The following ASZ1 variants were observed in gnomAD, a reference collection of about 807,000 sequenced individuals.
ASZ1 encodes ankyrin repeat, SAM and basic leucine zipper domain-containing protein 1.
In ASZ1, 67 loss-of-function variants were observed where a neutral mutation model predicts 61.8. That is an observed-to-expected ratio of 1.08 (90% CI 0.89 to 1.33). The LOEUF is 1.33. Among genes scored for constraint, ASZ1 ranks in the 40% most tolerant of loss-of-function variants. ASZ1 has a pLI of 0.00. For missense variants in ASZ1, 577 were observed against 554.5 expected, an observed-to-expected ratio of 1.04 and a Z score of -0.41; for synonymous variants, 193 against 192.7, an observed-to-expected ratio of 1.00 and a Z score of -0.01.
intron 4 of ASZ1, among the ~76,000 whole-genome samples, chr7:117,391,883 C>T (rs977065025): frequency 6.6e-6 from 1 of 151,958 alleles, no homozygotes; most frequent in Admixed American, 6.6e-5. Context: ...ATGTCTGCCT[C>T]TGGGTTGAAG....
chr7:117,402,631 T>C (rs1796701130), intron 4 of ASZ1, among the ~76,000 whole-genome samples: 1 of 152,200 alleles, frequency 6.6e-6, no homozygotes, highest in Non-Finnish European at 1.5e-5. Context: ...CCAGTTCCAG[T>C]GAGCCCCCAT....
chr7:117,394,618 A>C (rs1197440114), intron 4 of ASZ1, among the ~76,000 whole-genome samples: 1 of 152,144 alleles, frequency 6.6e-6, no homozygotes, highest in Non-Finnish European at 1.5e-5. Flanking sequence ...TATTGCTTCA[A>C]ACATAGTCTA....
intron 10 of ASZ1, among the ~76,000 whole-genome samples, chr7:117,374,515 C>G (rs753781115): frequency 6.6e-6 from 1 of 151,922 alleles, no homozygotes; most frequent in Non-Finnish European, 1.5e-5. Flanking sequence ...ATGTAAAAAC[C>G]AAGTCTCTAC....
chr7:117,423,286 A>C (rs1003431249), intron 2 of ASZ1, among the ~76,000 whole-genome samples: 1 of 152,038 alleles, frequency 6.6e-6, no homozygotes, highest in Non-Finnish European at 1.5e-5. Context: ...ACACCGGGTC[A>C]CTGAAAGACT....
chr7:117,364,989 G>C (rs1795907093), intron 12 of ASZ1, among the ~76,000 whole-genome samples: 1 of 151,940 alleles, frequency 6.6e-6, no homozygotes, highest in Non-Finnish European at 1.5e-5. Flanking sequence ...ACACTTATCT[G>C]TGATAACTTA....
intron 11 of ASZ1, chr7:117,368,287 A>G: frequency 1.0e-6 from 1 of 986,538 alleles, no homozygotes; most frequent in Non-Finnish European, 1.2e-6. Context: ...GTTTTTAAAT[A>G]ACACACTGTT....
chr7:117,381,809 AAACT>A (rs1796259429), intron 8 of ASZ1, among the ~76,000 whole-genome samples: 1 of 152,192 alleles, frequency 6.6e-6, no homozygotes, highest in African/African-American at 2.4e-5. Flanking sequence ...CTACAGAAAC[AAACT>A]AAGGGCTCAG....
chr7:117,388,126 TA>T (rs2116479171), intron 4 of ASZ1, among the ~76,000 whole-genome samples: 1 of 152,268 alleles, frequency 6.6e-6, no homozygotes, highest in South Asian at 2.1e-4. Context: ...TGAATAGCCC[TA>T]GACTTATTTT....
At chr7:117,400,409 C>A (rs1237426086) in intron 4 of ASZ1, among the ~76,000 whole-genome samples, 2 of 152,164 alleles carry the variant, frequency 1.3e-5, no homozygotes, top group African/African-American at 4.8e-5. Context: ...GAGAGAAAAG[C>A]AGCATTTGGT....
chr7:117,378,613 T>C (rs1416524646), intron 10 of ASZ1, among the ~76,000 whole-genome samples: 5 of 151,970 alleles, frequency 3.3e-5, no homozygotes, highest in South Asian at 4.1e-4. Context: ...TGGAAAACAG[T>C]TGGGCAGTTT....
In ASZ1 at chr7:117,416,186, A is replaced by AAAAT. The variant is rs958258272; in HGVS notation, c.440+3973_440+3976dup. 2.8e-4 allele frequency among the ~76,000 whole-genome samples: 42 copies of AAAAT among 152,188 alleles called. No individual in the cohort carries two copies. In the South Asian group the frequency reaches 6.4e-3, roughly 23 times the overall value. ...GAGTGACAGAGCGAGACTCCATCTC[A>AAAAT]AAATAAATAAATAAATAAATAATAA... On this transcript the variant is annotated intron_variant, in intron 4 of 12. Coordinates refer to ENST00000284629, the MANE Select transcript of ASZ1 (RefSeq NM_130768.3).
intron 4 of ASZ1, among the ~76,000 whole-genome samples, chr7:117,388,174 T>A (rs1306412227): frequency 6.6e-6 from 1 of 152,140 alleles, no homozygotes; most frequent in Non-Finnish European, 1.5e-5. Context: ...TTAAATTAAA[T>A]TTTCCACAAA....
At chr7:117,387,136 C>T (rs1047360432) in intron 4 of ASZ1, among the ~76,000 whole-genome samples, 1 of 139,988 alleles carries the variant, frequency 7.1e-6, no homozygotes, top group Admixed American at 7.1e-5. Context: ...CCTGCCTCTA[C>T]CTCTACTTAA....
intron 10 of ASZ1, among the ~76,000 whole-genome samples, chr7:117,375,051 T>A (rs575086276): frequency 2.2e-4 from 33 of 152,088 alleles, no homozygotes; most frequent in African/African-American, 7.9e-4. Flanking sequence ...AAAACCATTG[T>A]AAAAGAAAAA....
At position 117,427,381 on chromosome 7, in the gene ASZ1, A is replaced by G. The variant is rs138445182; in HGVS notation, c.80T>C (p.Ile27Thr). ...SSESEDDGWE[I>T]GYLDRTSQKL... ...CTGAGACGTCCGGTCGAGATACCCA[A>G]TCTCCCAGCCATCATCCTCGCTCTC... Residue 27 changes from isoleucine (I) to threonine (T), a missense_variant, in exon 1 of 13, where the codon ATT (isoleucine) becomes ACT (threonine). By Grantham distance (89) the Ile-to-Thr change is moderately conservative. Transcript: ENST00000284629. 359 of 1,614,026 alleles carry G rather than the reference A, an allele frequency of 2.2e-4. No homozygotes were observed. Among genetic ancestry groups the G allele is most frequent in the Non-Finnish European group, 2.8e-4 (327 of 1,180,012 alleles).
At chr7:117,396,220 C>T (rs1351821782) in intron 4 of ASZ1, among the ~76,000 whole-genome samples, 1 of 152,188 alleles carries the variant, frequency 6.6e-6, no homozygotes, top group Non-Finnish European at 1.5e-5. Flanking sequence ...CAGTACCATG[C>T]ACAAAGTAAA....
In ASZ1 at chr7:117,382,062, A is replaced by C; in HGVS notation, c.888+7T>G. The C allele has an allele frequency of 6.5e-7, 1 of 1,534,896 alleles. No individual in the cohort carries two copies. Among genetic ancestry groups the C allele is most frequent in the Non-Finnish European group, 9.0e-7 (1 of 1,109,486 alleles). On this transcript the variant is annotated splice_region_variant and intron_variant, in intron 8 of 12. Transcript: ENST00000284629. ...CATAACTCACTGTAGGTTATATAAG[A>C]TCTTACCTTTAGTAAATCTGTCATA...
chr7:117,363,450 T>A lies in ASZ1; in HGVS notation c.*146A>T, dbSNP rs1289737937. The A allele has an allele frequency of 6.9e-6, 4 of 582,186 alleles. No individual in the cohort carries two copies. Among genetic ancestry groups the A allele is most frequent in the East Asian group, 3.6e-5 (1 of 27,808 alleles). 36.1% of individuals were successfully genotyped at this position (582,186 alleles called of 1,614,324 possible). ...TAAGTCAAAGTAACAAACCACTTTTTAAAAAAAAACTCCACATTGTCAAAA... is the reference window on the plus strand; with the variant it reads ...TAAGTCAAAGTAACAAACCACTTTTAAAAAAAAAACTCCACATTGTCAAAA... On this transcript the variant is annotated 3_prime_UTR_variant, in exon 13 of 13. Coordinates refer to ENST00000284629, the MANE Select transcript of ASZ1 (RefSeq NM_130768.3).
intron 4 of ASZ1, among the ~76,000 whole-genome samples, chr7:117,388,827 T>A (rs1796409033): frequency 6.6e-6 from 1 of 152,048 alleles, no homozygotes; most frequent in Non-Finnish European, 1.5e-5. Context: ...GGCCTCCAGA[T>A]GGGAAAAAAA....
Sources: gnomAD v4.1 joint callset for allele counts (sites outside exome capture counted in the v4.1 genomes callset) on GRCh38, gnomAD v4.1.1 for gene constraint, MANE v1.5 for transcripts, NCBI Gene and HGNC (gene_info 2026-07-23, HGNC 2026-07-21) for gene names.